The following EFCAB6 variants were observed in gnomAD, a reference collection of about 807,000 sequenced individuals.
EFCAB6 encodes EF-hand calcium-binding domain-containing protein 6.
A neutral mutation model predicts 169.8 loss-of-function variants in EFCAB6; 156 were observed. The observed-to-expected ratio is 0.92, with a 90% CI of 0.81 to 1.05. The LOEUF (loss-of-function observed/expected upper bound fraction) is 1.05, where lower values mean the gene tolerates loss of function less well. Among genes scored for constraint, EFCAB6 ranks in the 50% least tolerant of loss-of-function variants. The pLI, the probability that EFCAB6 is intolerant of heterozygous loss-of-function variation, is 0.00. For synonymous variants in EFCAB6, 698 were observed against 676.4 expected, an observed-to-expected ratio of 1.03 and a Z score of -0.50; for missense variants, 1,800 against 1,829.1, an observed-to-expected ratio of 0.98 and a Z score of 0.29.
intron 17 of EFCAB6, among the ~76,000 whole-genome samples, chr22:43,662,959 A>G (rs1294522562): frequency 2.0e-5 from 3 of 152,222 alleles, no homozygotes; most frequent in African/African-American, 7.2e-5. Context: ...GAACAGCTTA[A>G]CAGCTGAACA....
intron 17 of EFCAB6, among the ~76,000 whole-genome samples, chr22:43,649,803 G>A (rs1306021597): frequency 6.6e-6 from 1 of 152,176 alleles, no homozygotes; most frequent in Non-Finnish European, 1.5e-5. Flanking sequence ...TCTGAGAGAA[G>A]GGTGAAGCTG....
At chr22:43,626,368 G>T in intron 20 of EFCAB6, 79 bp downstream of exon 20, 2 of 1,372,516 alleles carry the variant, frequency 1.5e-6, no homozygotes, top group East Asian at 2.4e-5. Context: ...ATCCCTTTGC[G>T]GACGCCATGG....
intron 21 of EFCAB6, 34 bp from the exon 22 acceptor site, chr22:43,608,634 T>C: frequency 6.3e-7 from 1 of 1,597,576 alleles, no homozygotes; most frequent in Non-Finnish European, 8.6e-7. Flanking sequence ...TAGGAACATG[T>C]GAAATGTGCG....
chr22:43,718,613 T>A (rs1046498396), intron 8 of EFCAB6, among the ~76,000 whole-genome samples: 5 of 152,070 alleles, frequency 3.3e-5, no homozygotes, highest in African/African-American at 1.2e-4. Flanking sequence ...TGAAACCCTG[T>A]CTCTACTGAA....
At chr22:43,785,047 A>T (rs1265263619) in intron 2 of EFCAB6, among the ~76,000 whole-genome samples, 2 of 152,142 alleles carry the variant, frequency 1.3e-5, no homozygotes, top group Non-Finnish European at 2.9e-5. Flanking sequence ...GCAAAAACTA[A>T]CTAAATTGGA....
intron 27 of EFCAB6, among the ~76,000 whole-genome samples, chr22:43,550,658 T>C (rs1288894591): frequency 1.4e-5 from 2 of 144,998 alleles, no homozygotes; most frequent in Non-Finnish European, 3.0e-5. Context: ...CATGACACAG[T>C]GAGACTCTGT....
intron 17 of EFCAB6, 92 bp downstream of exon 17, chr22:43,667,012 C>A: frequency 6.9e-7 from 1 of 1,441,734 alleles, no homozygotes; most frequent in Non-Finnish European, 9.3e-7. Context: ...CTGCTGCGTC[C>A]TGGGATAAGC....
intron 20 of EFCAB6, among the ~76,000 whole-genome samples, chr22:43,623,917 AAAAAAG>A (rs1422948011): frequency 1.4e-5 from 2 of 138,522 alleles, no homozygotes; most frequent in African/African-American, 2.7e-5. Flanking sequence ...TCAAAAAAAA[AAAAAAG>A]AAAAAAAAGA....
chr22:43,723,044 G>A (rs898590029), intron 8 of EFCAB6, among the ~76,000 whole-genome samples: 5 of 152,182 alleles, frequency 3.3e-5, no homozygotes, highest in African/African-American at 1.2e-4. Flanking sequence ...ACTTTAAGGG[G>A]TTCAAGACTT....
chr22:43,539,994 C>T, intron 28 of EFCAB6, 133 bp downstream of exon 28: 4 of 936,766 alleles, frequency 4.3e-6, no homozygotes, highest in Non-Finnish European at 6.3e-6. Flanking sequence ...CTTGCATGTG[C>T]CCCCACCCCA....
intron 26 of EFCAB6, among the ~76,000 whole-genome samples, chr22:43,567,675 G>A (rs1394542041): frequency 6.6e-6 from 1 of 152,148 alleles, no homozygotes; most frequent in African/African-American, 2.4e-5. Context: ...GTGTGACTGG[G>A]AAAGAATGTT....
At chr22:43,601,274 T>G (rs953924242) in intron 22 of EFCAB6, among the ~76,000 whole-genome samples, 8 of 152,256 alleles carry the variant, frequency 5.3e-5, no homozygotes, top group African/African-American at 1.7e-4. Context: ...TCTCCCAACG[T>G]TATTCAAATA....
chr22:43,729,925 G>C (rs2059875644), intron 8 of EFCAB6, among the ~76,000 whole-genome samples: 2 of 152,004 alleles, frequency 1.3e-5, no homozygotes, highest in Non-Finnish European at 2.9e-5. Context: ...TTGGGACTGT[G>C]TATAGGCAGG....
intron 8 of EFCAB6, among the ~76,000 whole-genome samples, chr22:43,723,824 G>A (rs1361485858): frequency 6.6e-6 from 1 of 152,224 alleles, no homozygotes; most frequent in Non-Finnish European, 1.5e-5. Context: ...TGGGACCAAG[G>A]AGCCCTGCAC....
chr22:43,600,362 C>T (rs528694365), intron 22 of EFCAB6, 99 bp from the exon 23 acceptor site: 6 of 1,218,430 alleles, frequency 4.9e-6, no homozygotes, highest in African/African-American at 3.0e-5. Flanking sequence ...ATGAGGAGCT[C>T]GTCTTCCATC....
intron 2 of EFCAB6, among the ~76,000 whole-genome samples, chr22:43,798,253 G>A (rs1018493375): frequency 3.9e-5 from 6 of 152,070 alleles, no homozygotes; most frequent in Admixed American, 6.6e-5. Flanking sequence ...GTGTGGTGGC[G>A]GGTGCCCATA....
intron 2 of EFCAB6, among the ~76,000 whole-genome samples, chr22:43,791,645 G>A (rs980353665): frequency 3.9e-5 from 6 of 152,174 alleles, no homozygotes; most frequent in Admixed American, 1.3e-4. Context: ...TAAGGGCTTC[G>A]GTTTGAGTGA....
chr22:43,616,005 G>T, intron 20 of EFCAB6, 83 bp from the exon 21 acceptor site: 1 of 1,175,694 alleles, frequency 8.5e-7, no homozygotes, highest in Non-Finnish European at 1.2e-6. Flanking sequence ...TATCCCCCCT[G>T]TTTGTTTCAA....
At chr22:43,571,129 G>A (rs577039322) in intron 26 of EFCAB6, among the ~76,000 whole-genome samples, 224 of 152,368 alleles carry the variant, frequency 1.5e-3, no homozygotes, top group African/African-American at 3.8e-3. Context: ...ACAGGCAGAG[G>A]AGGCTTAAGA....
Sources: allele counts gnomAD v4.1 joint callset (sites outside exome capture counted in the v4.1 genomes callset), GRCh38; gene constraint gnomAD v4.1.1; transcripts MANE v1.5; gene names NCBI Gene and HGNC (gene_info 2026-07-23, HGNC 2026-07-21).